The following MERTK variants were observed in gnomAD, a reference collection of about 807,000 sequenced individuals.
The protein encoded by MERTK is MER proto-oncogene, tyrosine kinase.
In MERTK, 69 loss-of-function variants were observed where a neutral mutation model predicts 99.3. The ratio of observed to expected loss-of-function variants is 0.70; its 90% CI spans 0.57 to 0.85. The LOEUF is 0.85. MERTK is among the 40% of genes least tolerant of loss of function. The pLI is 0.00. For synonymous variants in MERTK, 426 were observed against 467.6 expected (o/e 0.91, Z 1.15); for missense variants, 1,125 against 1,249.4 (o/e 0.90, Z 1.50).
chr2:111,914,392 C>T (rs1013668351), intron 1 of MERTK, among the ~76,000 whole-genome samples: 1 of 152,174 alleles, frequency 6.6e-6, no homozygotes, highest in Non-Finnish European at 1.5e-5. Context: ...ATTCTCCTGC[C>T]TCAGCCTCCC....
rs752055398 is a variant in MERTK at position 111,997,488 on chromosome 2, A to G, written c.1604+12A>G. 54 of 1,612,692 alleles carry G rather than the reference A, an allele frequency of 3.3e-5. No individual in the cohort carries two copies. The highest frequency in any genetic ancestry group is 4.2e-5 in the Non-Finnish European group (50 of 1,179,980). ...GAGACAAAGTTTGGGTAAGTCTCCC[A>G]GCTAAAAATGTTTGCCCACTGGTAT... On this transcript the variant is annotated intron_variant, in intron 10 of 18. Transcript: ENST00000295408.
At chr2:111,993,431 C>T (rs1676672196) in intron 8 of MERTK, among the ~76,000 whole-genome samples, 1 of 152,126 alleles carries the variant, frequency 6.6e-6, no homozygotes, top group African/African-American at 2.4e-5. Flanking sequence ...ACATCTGTGA[C>T]CTGCATGACC....
chr2:111,975,642 G>A (rs1226497341), intron 7 of MERTK, among the ~76,000 whole-genome samples, 170 bp downstream of exon 7: 1 of 152,160 alleles, frequency 6.6e-6, no homozygotes, highest in Non-Finnish European at 1.5e-5. Flanking sequence ...CCTCCATACT[G>A]TAAAAGCATT....
At chr2:112,022,998 C>T (rs749657837) in intron 18 of MERTK, among the ~76,000 whole-genome samples, 5 of 152,152 alleles carry the variant, frequency 3.3e-5, no homozygotes, top group Admixed American at 6.5e-5. Context: ...CTCCCTGGGG[C>T]TGGGCGCAGT....
At position 112,028,588 on chromosome 2, in the gene MERTK, C is replaced by T; in HGVS notation, c.2724C>T (p.Pro908=). ...ACTCTATAATTGCCTCCTGCACTCC[C>T]CGCGCTGCCATCAGTGTGGTCACAG... ...DPDSIIASCT[P]RAAISVVTAE... Residue 908 remains proline (P), a synonymous_variant, in exon 19 of 19, where the codon CCC becomes CCT. Coordinates refer to ENST00000295408, the MANE Select transcript of MERTK (RefSeq NM_006343.3). The T allele has an allele frequency of 6.2e-7, 1 of 1,614,202 alleles. No individual in the cohort carries two copies. The highest frequency in any genetic ancestry group is 8.5e-7 in the Non-Finnish European group (1 of 1,180,030).
intron 1 of MERTK, among the ~76,000 whole-genome samples, chr2:111,901,606 A>G (rs1684045249): frequency 1.4e-5 from 2 of 142,376 alleles, no homozygotes; most frequent in Admixed American, 7.3e-5. Flanking sequence ...CCCAGGCTAG[A>G]GTGCAGTGGC....
At chr2:111,939,672 T>G (rs1428827365) in intron 2 of MERTK, among the ~76,000 whole-genome samples, 1 of 140,022 alleles carries the variant, frequency 7.1e-6, no homozygotes, top group Non-Finnish European at 1.6e-5. Flanking sequence ...TTTTTTTTTT[T>G]TTTTTTTTTT....
At chr2:111,899,741 C>T (rs562277327) in intron 1 of MERTK, among the ~76,000 whole-genome samples, 1 of 152,282 alleles carries the variant, frequency 6.6e-6, no homozygotes, top group Admixed American at 6.5e-5. Flanking sequence ...TGGTCTCGAT[C>T]TCTTGACCTC....
chr2:111,947,643 G>A (rs899263367), intron 4 of MERTK, 76 bp downstream of exon 4: 5 of 1,516,364 alleles, frequency 3.3e-6, no homozygotes, highest in Admixed American at 3.4e-5. Context: ...CCCTTGCTGT[G>A]CACCACTAGC....
intron 4 of MERTK, among the ~76,000 whole-genome samples, chr2:111,958,879 G>T (rs545054267): frequency 6.6e-6 from 1 of 152,138 alleles, no homozygotes; most frequent in South Asian, 2.1e-4. Flanking sequence ...TTACCACAGG[G>T]CTGGCTCTTC....
chr2:111,986,950 C>T (rs1676489786), intron 8 of MERTK, among the ~76,000 whole-genome samples: 1 of 152,152 alleles, frequency 6.6e-6, no homozygotes, highest in Admixed American at 6.5e-5. Context: ...CCCTGGGAGT[C>T]CCCTGAAACC....
At chr2:111,973,688 G>T (rs1299535726) in intron 6 of MERTK, among the ~76,000 whole-genome samples, 1 of 152,028 alleles carries the variant, frequency 6.6e-6, no homozygotes, top group East Asian at 1.9e-4. Flanking sequence ...TGTCTGTTCT[G>T]ATTTTATAAG....
In MERTK at chr2:111,971,705, G is replaced by A. The variant is rs535137871; in HGVS notation, c.960+3453G>A. Among the ~76,000 whole-genome samples, 147 of 152,282 alleles carry A rather than the reference G, an allele frequency of 9.7e-4. 2 individuals are homozygous for A. The highest frequency in any genetic ancestry group is 3.2e-3 in the African/African-American group (134 of 41,556). On this transcript the variant is annotated intron_variant, in intron 6 of 18. Coordinates refer to ENST00000295408, the MANE Select transcript of MERTK (RefSeq NM_006343.3). ...ACTGTGATCCTTTTAAATTTATTAA[G>A]GCTTGTTTTATGACCTAAGTCCTAT...
At chr2:111,953,998 T>C (rs1232416614) in intron 4 of MERTK, among the ~76,000 whole-genome samples, 3 of 152,222 alleles carry the variant, frequency 2.0e-5, no homozygotes, top group African/African-American at 7.2e-5. Context: ...TTACCTGTGG[T>C]CCAATCTTTC....
intron 7 of MERTK, among the ~76,000 whole-genome samples, 155 bp downstream of exon 7, chr2:111,975,627 T>G (rs1364130850): frequency 6.6e-6 from 1 of 152,190 alleles, no homozygotes; most frequent in Non-Finnish European, 1.5e-5. Flanking sequence ...ATGGGAAAGA[T>G]ATTTCCTCCA....
chr2:111,970,639 G>A (rs1395747061), intron 6 of MERTK, among the ~76,000 whole-genome samples: 3 of 151,964 alleles, frequency 2.0e-5, no homozygotes, highest in African/African-American at 7.3e-5. Flanking sequence ...GTGTAATATT[G>A]ACCTTCTAGA....
chr2:111,947,718 G>T (rs1684986786), intron 4 of MERTK, 151 bp downstream of exon 4: 1 of 918,230 alleles, frequency 1.1e-6, no homozygotes, highest in Non-Finnish European at 1.7e-6. Flanking sequence ...TAGACGGGAA[G>T]GCAGGTGGGA....
intron 2 of MERTK, 28 bp downstream of exon 2, chr2:111,929,568 T>G (rs1187826324): frequency 7.2e-7 from 1 of 1,381,792 alleles, no homozygotes; most frequent in Admixed American, 2.1e-5. Context: ...CTTTTTTATT[T>G]TTTTAGTTTT....
chr2:112,000,655 A>G (rs1049712419), intron 10 of MERTK, among the ~76,000 whole-genome samples: 7 of 152,300 alleles, frequency 4.6e-5, no homozygotes, highest in East Asian at 3.9e-4. Context: ...TGATGTTGAC[A>G]TTGATCACCT....
Sources: gnomAD v4.1 joint callset for allele counts (sites outside exome capture counted in the v4.1 genomes callset) on GRCh38, gnomAD v4.1.1 for gene constraint, MANE v1.5 for transcripts, NCBI Gene and HGNC (gene_info 2026-07-23, HGNC 2026-07-21) for gene names.